Variants in NAALAD2 observed in about 807,000 individuals in gnomAD.
The protein encoded by NAALAD2 is N-acetylated-alpha-linked acidic dipeptidase 2.
A neutral mutation model predicts 95.6 loss-of-function variants in NAALAD2; 89 were observed. That is an observed-to-expected ratio of 0.93 (90% CI 0.78 to 1.11). The LOEUF (loss-of-function observed/expected upper bound fraction) is 1.11, where lower values mean the gene tolerates loss of function less well. NAALAD2 is among the 50% of genes least tolerant of loss of function. The pLI, the probability that NAALAD2 is intolerant of heterozygous loss-of-function variation, is 0.00. For synonymous variants in NAALAD2, 264 were observed against 294.4 expected, an observed-to-expected ratio of 0.90 and a Z score of 1.06; for missense variants, 894 against 872.4, an observed-to-expected ratio of 1.02 and a Z score of -0.31.
Position 90,191,787 on chromosome 11 carries a change from G to A in NAALAD2, c.*40G>A. On this transcript the variant is annotated 3_prime_UTR_variant, in exon 19 of 19. Transcript: ENST00000534061. ...CTAGCCATTAAAGGTGTTGCTAAAA[G>A]TCTGAGGATAAAATTCACCTTTCTG... is the stretch of plus-strand genomic sequence containing the variant. 2 of 1,403,376 alleles carry A rather than the reference G, an allele frequency of 1.4e-6. No individual in the cohort carries two copies. The highest frequency in any genetic ancestry group is 1.9e-6 in the Non-Finnish European group (2 of 1,064,482). The allele number at this position is 1,403,376 out of a possible 1,614,324, so 86.9% of individuals were successfully genotyped here. A position where few individuals can be genotyped will look rare whatever the true frequency, so the allele number is the denominator to read the frequency against.
intron 6 of NAALAD2, among the ~76,000 whole-genome samples, chr11:90,154,427 T>C (rs1263193416): frequency 6.6e-6 from 1 of 151,966 alleles, no homozygotes; most frequent in Non-Finnish European, 1.5e-5. Context: ...TTACTTTTGT[T>C]AAATTATATG....
intron 2 of NAALAD2, among the ~76,000 whole-genome samples, chr11:90,141,796 C>A (rs1316990718): frequency 6.6e-6 from 1 of 152,038 alleles, no homozygotes; most frequent in Non-Finnish European, 1.5e-5. Context: ...TGGTTTGTTT[C>A]TTGTAGATTC....
chr11:90,152,915 T>G (rs1006814693), intron 6 of NAALAD2, among the ~76,000 whole-genome samples: 2 of 152,150 alleles, frequency 1.3e-5, no homozygotes, highest in African/African-American at 2.4e-5. Flanking sequence ...AACATAAAAT[T>G]GGAAGTTTTA....
chr11:90,158,563 G>A (rs1952191930), intron 7 of NAALAD2: 1 of 233,862 alleles, frequency 4.3e-6, no homozygotes, highest in East Asian at 1.5e-4. Flanking sequence ...TCAACGTCTA[G>A]TATAAGAATA....
chr11:90,161,063 TA>T, intron 8 of NAALAD2, among the ~76,000 whole-genome samples: 1 of 151,928 alleles, frequency 6.6e-6, no homozygotes, highest in Non-Finnish European at 1.5e-5. Context: ...AGAGAAAAAA[TA>T]AAGCTAGAGA....
At chr11:90,160,840 G>A (rs1198622414) in intron 8 of NAALAD2, among the ~76,000 whole-genome samples, 1 of 152,124 alleles carries the variant, frequency 6.6e-6, no homozygotes, top group African/African-American at 2.4e-5. Flanking sequence ...TTCTCTATTG[G>A]TTAGAACTCA....
intron 2 of NAALAD2, among the ~76,000 whole-genome samples, chr11:90,139,549 G>A (rs900783258): frequency 1.3e-5 from 2 of 152,124 alleles, no homozygotes; most frequent in Non-Finnish European, 2.9e-5. Context: ...CTGCCTCTTG[G>A]TGAGCAGAAG....
upstream of NAALAD2, among the ~76,000 whole-genome samples, chr11:90,133,982 C>CT (rs1023849647): frequency 2.0e-5 from 3 of 152,118 alleles, no homozygotes; most frequent in Admixed American, 6.6e-5. Context: ...GAGAGACCCC[C>CT]TGGCTTCTTC....
chr11:90,149,060 A>G lies in NAALAD2; in HGVS notation c.436A>G (p.Asn146Asp), dbSNP rs777843793. ...PPPDGYENVTNIVPPYNAFSA... is the reference protein window; with the variant it reads ...PPPDGYENVTDIVPPYNAFSA... ...ACCAGATGGCTATGAGAATGTTACA[A>G]ATATTGTGCCACCATATAATGCTTT... is the stretch of plus-strand genomic sequence containing the variant. The change falls in exon 4 of 19, where the codon AAT becomes GAT. Residue 146 changes from asparagine to aspartate, a missense_variant. By Grantham distance (23) the Asn-to-Asp change is conservative (BLOSUM62 1). Coordinates refer to ENST00000534061, the MANE Select transcript of NAALAD2 (RefSeq NM_005467.4). 6 of 1,607,382 alleles carry G rather than the reference A, an allele frequency of 3.7e-6. No individual in the cohort carries two copies. The highest frequency in any genetic ancestry group is 2.2e-5 in the South Asian group (2 of 90,430).
At chr11:90,135,713 A>T in intron 2 of NAALAD2, 43 bp downstream of exon 2, 2 of 1,511,586 alleles carry the variant, frequency 1.3e-6, no homozygotes, top group East Asian at 2.3e-5. Context: ...TCATGTTTAA[A>T]ATATCACAGT....
intron 2 of NAALAD2, among the ~76,000 whole-genome samples, chr11:90,146,731 C>A (rs1951759401): frequency 6.6e-6 from 1 of 152,080 alleles, no homozygotes. Context: ...TTTGTGGGGT[C>A]ACTTAAATGT....
intron 15 of NAALAD2, among the ~76,000 whole-genome samples, chr11:90,177,019 A>T (rs1952811011): frequency 6.6e-6 from 1 of 152,198 alleles, no homozygotes; most frequent in South Asian, 2.1e-4. Flanking sequence ...TTAGAAGCAG[A>T]TAATTAGATA....
intron 11 of NAALAD2, among the ~76,000 whole-genome samples, chr11:90,166,792 G>A (rs1354299654): frequency 4.7e-5 from 7 of 149,018 alleles, no homozygotes; most frequent in Non-Finnish European, 1.0e-4. Context: ...CAGAGACAGC[G>A]CTACTGCACT....
intron 7 of NAALAD2, 39 bp downstream of exon 7, chr11:90,158,277 G>T (rs992597382): frequency 6.9e-7 from 1 of 1,452,374 alleles, no homozygotes; most frequent in Non-Finnish European, 9.6e-7. Context: ...AAGATATTTT[G>T]CACTAGTTGT....
intron 2 of NAALAD2, among the ~76,000 whole-genome samples, chr11:90,144,839 G>T (rs1438894422): frequency 1.3e-5 from 2 of 151,926 alleles, no homozygotes; most frequent in Non-Finnish European, 2.9e-5. Flanking sequence ...AGAGCTAAAG[G>T]GTTAATGAAC....
intron 8 of NAALAD2, among the ~76,000 whole-genome samples, chr11:90,159,946 C>A (rs1393737007): frequency 8.9e-6 from 1 of 111,964 alleles, no homozygotes; most frequent in African/African-American, 3.9e-5. Context: ...AAGACTGAAA[C>A]TCCATCTAAA....
At chr11:90,188,869 T>G (rs998789223) in intron 18 of NAALAD2, among the ~76,000 whole-genome samples, 1 of 152,210 alleles carries the variant, frequency 6.6e-6, no homozygotes, top group African/African-American at 2.4e-5. Context: ...CCACAAAAAT[T>G]AATTGCTCTG....
intron 18 of NAALAD2, among the ~76,000 whole-genome samples, chr11:90,188,295 A>G (rs1302757689): frequency 6.6e-6 from 1 of 152,254 alleles, no homozygotes; most frequent in South Asian, 2.1e-4. Context: ...ATCAGAAAAC[A>G]TTGTACATAT....
chr11:90,159,148 A>T (rs1328578557), intron 7 of NAALAD2, 91 bp from the exon 8 acceptor site: 3 of 958,688 alleles, frequency 3.1e-6, no homozygotes, highest in Non-Finnish European at 5.0e-6. Flanking sequence ...TATTTGTTAT[A>T]TATATGAATG....
Sources: allele counts gnomAD v4.1 joint callset (sites outside exome capture counted in the v4.1 genomes callset), GRCh38; gene constraint gnomAD v4.1.1; transcripts MANE v1.5; gene names NCBI Gene and HGNC (gene_info 2026-07-23, HGNC 2026-07-21).